Variants in HDAC9 observed in about 807,000 individuals in gnomAD.
HDAC9 encodes the protein histone deacetylase 9.
In HDAC9, 41 loss-of-function variants were observed where a neutral mutation model predicts 139.4. The ratio of observed to expected loss-of-function variants is 0.29; its 90% CI spans 0.23 to 0.38. HDAC9 has a LOEUF of 0.38. Among genes scored for constraint, HDAC9 ranks in the 10% least tolerant of loss-of-function variants. The probability of loss-of-function intolerance (pLI) is 1.00; values close to 1 mark genes in which losing one functional copy is unlikely to be tolerated. For missense variants in HDAC9, 1,147 were observed against 1,297.0 expected, an observed-to-expected ratio of 0.88 and a Z score of 1.78; for synonymous variants, 517 against 476.2, an observed-to-expected ratio of 1.09 and a Z score of -1.12.
At chr7:18,825,233 G>A (rs1795330504) in intron 17 of HDAC9, among the ~76,000 whole-genome samples, 2 of 152,192 alleles carry the variant, frequency 1.3e-5, no homozygotes, top group Non-Finnish European at 2.9e-5. Context: ...CATAAGACTG[G>A]TGGCCTTGCC....
chr7:18,151,049 A>G (rs1317298927), intron 1 of HDAC9, among the ~76,000 whole-genome samples: 2 of 152,204 alleles, frequency 1.3e-5, no homozygotes, highest in East Asian at 1.9e-4. Flanking sequence ...CTATTTTAAT[A>G]CATGCATATA....
At chr7:18,218,414 A>C (rs1050025952) in intron 2 of HDAC9, among the ~76,000 whole-genome samples, 35 of 152,138 alleles carry the variant, frequency 2.3e-4, no homozygotes, top group African/African-American at 8.4e-4. Context: ...ACTGCACTCC[A>C]GCCTGGGAGA....
intron 24 of HDAC9, among the ~76,000 whole-genome samples, chr7:18,958,360 C>A (rs1388753111): frequency 6.6e-6 from 1 of 152,146 alleles, no homozygotes; most frequent in African/African-American, 2.4e-5. Context: ...ATCTCACTTT[C>A]TGAAGACTTA....
At chr7:18,495,601 C>T (rs1186992102), upstream of HDAC9, 3 of 240,818 alleles carry the variant, frequency 1.2e-5, no homozygotes, top group Non-Finnish European at 2.0e-5. Context: ...ATGCAGGCTC[C>T]AATCACTCGG....
At chr7:18,740,340 A>G (rs971226951) in intron 13 of HDAC9, among the ~76,000 whole-genome samples, 6 of 152,152 alleles carry the variant, frequency 3.9e-5, no homozygotes, top group Non-Finnish European at 1.5e-5. Context: ...GAAATCCCCC[A>G]TCTTCTGTGT....
chr7:18,387,212 G>A (rs1786020802), intron 1 of HDAC9, among the ~76,000 whole-genome samples: 1 of 152,136 alleles, frequency 6.6e-6, no homozygotes, highest in African/African-American at 2.4e-5. Context: ...TGGATCAAGG[G>A]GGGAATCTAC....
chr7:18,301,559 G>C (rs2128613314), intron 1 of HDAC9, among the ~76,000 whole-genome samples: 1 of 152,090 alleles, frequency 6.6e-6, no homozygotes, highest in African/African-American at 2.4e-5. Flanking sequence ...TACTATCTAA[G>C]TATTTAAATG....
intron 2 of HDAC9, among the ~76,000 whole-genome samples, chr7:18,231,910 G>C (rs1793485862): frequency 6.6e-6 from 1 of 152,104 alleles, no homozygotes; most frequent in African/African-American, 2.4e-5. Flanking sequence ...TGTTAAAACT[G>C]ATGAAAACAT....
intron 16 of HDAC9, among the ~76,000 whole-genome samples, chr7:18,768,005 T>G (rs942425320): frequency 6.6e-6 from 1 of 152,196 alleles, no homozygotes; most frequent in Non-Finnish European, 1.5e-5. Context: ...TTGAATATTT[T>G]TAGTTTATTC....
intron 1 of HDAC9, among the ~76,000 whole-genome samples, chr7:18,371,016 A>T (rs1311661591): frequency 1.3e-5 from 2 of 152,150 alleles, no homozygotes; most frequent in Non-Finnish European, 1.5e-5. Flanking sequence ...AATAGTCCAG[A>T]ACTCGCGCAT....
At chr7:18,929,917 T>A (rs1294995379) in intron 22 of HDAC9, among the ~76,000 whole-genome samples, 1 of 150,782 alleles carries the variant, frequency 6.6e-6, no homozygotes, top group African/African-American at 2.4e-5. Flanking sequence ...CTAGCCCAGG[T>A]GACACAGCAA....
chr7:18,976,028 C>A, intron 25 of HDAC9, 75 bp downstream of exon 25: 1 of 1,467,260 alleles, frequency 6.8e-7, no homozygotes, highest in Non-Finnish European at 9.3e-7. Flanking sequence ...GAATCTTCCT[C>A]CTGGCTTTCC....
At chr7:18,889,607 G>C (rs1258104953) in intron 22 of HDAC9, among the ~76,000 whole-genome samples, 2 of 152,152 alleles carry the variant, frequency 1.3e-5, no homozygotes, top group East Asian at 3.9e-4. Context: ...ACAATGATCA[G>C]CCTGCCAGAC....
intron 1 of HDAC9, among the ~76,000 whole-genome samples, chr7:18,106,207 A>C (rs1032483616): frequency 1.3e-5 from 2 of 152,202 alleles, no homozygotes; most frequent in African/African-American, 2.4e-5. Flanking sequence ...GTAAATTTTT[A>C]GGTATGTGAA....
chr7:18,865,466 G>C (rs1798420974), intron 21 of HDAC9, among the ~76,000 whole-genome samples: 1 of 152,148 alleles, frequency 6.6e-6, no homozygotes, highest in South Asian at 2.1e-4. Context: ...AGAAGAGCAG[G>C]ACTTATTCAG....
upstream of HDAC9, among the ~76,000 whole-genome samples, chr7:18,289,708 A>G (rs1053263768): frequency 6.6e-6 from 1 of 152,178 alleles, no homozygotes; most frequent in Non-Finnish European, 1.5e-5. Context: ...CTGGAGTGAC[A>G]GTGTTTTATA....
intron 1 of HDAC9, among the ~76,000 whole-genome samples, chr7:18,372,694 C>A (rs1193261804): frequency 6.6e-6 from 1 of 152,198 alleles, no homozygotes; most frequent in Non-Finnish European, 1.5e-5. Flanking sequence ...CAGACCTAGT[C>A]TAGTCTGTGA....
intron 2 of HDAC9, among the ~76,000 whole-genome samples, chr7:18,510,552 A>T (rs1211121253): frequency 6.6e-6 from 1 of 152,144 alleles, no homozygotes; most frequent in African/African-American, 2.4e-5. Flanking sequence ...AATAATATCA[A>T]TTGGAAATAA....
intron 2 of HDAC9, among the ~76,000 whole-genome samples, chr7:18,164,475 CT>C (rs1445236871): frequency 2.0e-5 from 3 of 152,146 alleles, no homozygotes; most frequent in Non-Finnish European, 4.4e-5. Flanking sequence ...ATTTATTTTG[CT>C]TTTGTTCCAC....
Sources: allele counts gnomAD v4.1 joint callset (sites outside exome capture counted in the v4.1 genomes callset), GRCh38; gene constraint gnomAD v4.1.1; transcripts MANE v1.5; gene names NCBI Gene and HGNC (gene_info 2026-07-23, HGNC 2026-07-21).